Variants in TANK observed in about 807,000 individuals in gnomAD.
TANK encodes TRAF family member-associated NF-kappa-B activator.
TANK carries 15 observed loss-of-function variants against 43.6 expected under a neutral mutation model. That is an observed-to-expected ratio of 0.34 (90% CI 0.23 to 0.53). The LOEUF is 0.53. TANK is among the 20% of genes least tolerant of loss of function. TANK has a pLI of 0.94. For missense variants in TANK, 417 were observed against 498.6 expected, an observed-to-expected ratio of 0.84 and a Z score of 1.56; for synonymous variants, 162 against 178.2, an observed-to-expected ratio of 0.91 and a Z score of 0.73.
chr2:161,152,711 C>G (rs1684113142), intron 1 of TANK, among the ~76,000 whole-genome samples: 1 of 152,080 alleles, frequency 6.6e-6, no homozygotes, highest in Non-Finnish European at 1.5e-5. Flanking sequence ...GTGGGTGATT[C>G]TACATGCATT....
intron 2 of TANK, 85 bp from the exon 3 acceptor site, chr2:161,203,402 A>G (rs1159773386): frequency 6.8e-6 from 6 of 879,160 alleles, no homozygotes; most frequent in South Asian, 3.4e-5. Context: ...TGGGCAACTC[A>G]TATCTATTTA....
chr2:161,148,513 G>T (rs908007894), intron 1 of TANK, among the ~76,000 whole-genome samples: 7 of 152,068 alleles, frequency 4.6e-5, no homozygotes, highest in Non-Finnish European at 1.0e-4. Flanking sequence ...AATGTTTAAA[G>T]TTTTAAAAAA....
intron 1 of TANK, among the ~76,000 whole-genome samples, chr2:161,150,073 T>A (rs1245773601): frequency 6.6e-6 from 1 of 152,160 alleles, no homozygotes; most frequent in African/African-American, 2.4e-5. Context: ...TTTAAGTGCA[T>A]GGTAGAATTC....
Position 161,235,705 on chromosome 2 carries a change from G to C in TANK, c.*187G>C. ...TAAAAGATCATTCTGTTCTTTCAAG[G>C]AGAAATAAGCCTAAAAGAAGAAAAA... On this transcript the variant is annotated 3_prime_UTR_variant, in exon 8 of 8. Transcript: ENST00000392749. 6 of 462,266 alleles carry C rather than the reference G, an allele frequency of 1.3e-5. No individual in the cohort carries two copies. The highest frequency in any genetic ancestry group is 2.2e-5 in the Non-Finnish European group (6 of 275,950). The allele number at this position is 462,266 out of a possible 1,614,324, so 28.6% of individuals were successfully genotyped here. A position where few individuals can be genotyped will look rare whatever the true frequency, so the allele number is the denominator to read the frequency against.
At chr2:161,169,857 A>C (rs1254835499) in intron 1 of TANK, among the ~76,000 whole-genome samples, 1 of 152,210 alleles carries the variant, frequency 6.6e-6, no homozygotes, top group Non-Finnish European at 1.5e-5. Context: ...TTTGAAGTTC[A>C]GTTTCCTCCT....
chr2:161,156,151 G>T (rs370499801), upstream of TANK: 2 of 985,404 alleles, frequency 2.0e-6, no homozygotes, highest in African/African-American at 3.5e-5. Context: ...TCTTCAGGAA[G>T]AAGTTGGGGC....
At position 161,141,232 on chromosome 2, in the gene TANK, C is replaced by T. The variant is rs568317419; in HGVS notation, c.-50+4169C>T. 1.1e-3 allele frequency among the ~76,000 whole-genome samples: 167 copies of T among 152,258 alleles called. 1 individual carries two copies. Among genetic ancestry groups the T allele is most frequent in the South Asian group, 9.9e-3 (48 of 4,832 alleles). On this transcript the variant is annotated intron_variant, in intron 1 of 7. Transcript: ENST00000259075. ...CAGTTGTTCTGCATTTCTGACTCCC[C>T]TCAGCCCCTGGCAACCACAAATCCG...
chr2:161,224,628 T>A lies in TANK; in HGVS notation c.405-3T>A, dbSNP rs747071103. The A allele has an allele frequency of 1.2e-5, 17 of 1,393,286 alleles. No homozygotes were observed. The African/African-American group carries it at 1.9e-4, about 16-fold the overall frequency. 86.3% of individuals were successfully genotyped at this position (1,393,286 alleles called of 1,614,324 possible). The stretch of plus-strand genomic sequence containing the variant: ...ATTTTAAAATGTTGATTTTTTTTTT[T>A]AGGGGTAATATAGAGAAGACTTTCT... On this transcript the variant is annotated splice_region_variant and splice_polypyrimidine_tract_variant and intron_variant, in intron 5 of 7. Coordinates refer to ENST00000392749, the MANE Select transcript of TANK (RefSeq NM_001199135.3).
intron 1 of TANK, among the ~76,000 whole-genome samples, chr2:161,166,637 G>A (rs1002087724): frequency 6.6e-6 from 1 of 152,140 alleles, no homozygotes; most frequent in Non-Finnish European, 1.5e-5. Flanking sequence ...AGACCAAGAT[G>A]TAGTGGGGCA....
chr2:161,232,839 T>C (rs775303137), intron 7 of TANK: 1 of 1,550,378 alleles, frequency 6.5e-7, no homozygotes, highest in Non-Finnish European at 8.7e-7. Context: ...TGGAAAAGTA[T>C]TCAGCTTAAA....
At chr2:161,161,368 T>A in intron 1 of TANK, 1 of 1,550,720 alleles carries the variant, frequency 6.4e-7, no homozygotes, top group Non-Finnish European at 8.7e-7. Context: ...GAAAAGAAAA[T>A]GACCTGCCTT....
intron 4 of TANK, chr2:161,205,040 T>C (rs1468743427): frequency 2.7e-6 from 3 of 1,120,706 alleles, no homozygotes; most frequent in Non-Finnish European, 3.4e-6. Flanking sequence ...AACAAAGAAA[T>C]AGGGCTGGAC....
intron 2 of TANK, among the ~76,000 whole-genome samples, chr2:161,180,765 T>TA (rs2105297474): frequency 6.6e-6 from 1 of 152,278 alleles, no homozygotes; most frequent in East Asian, 1.9e-4. Context: ...ATAGCCAGAT[T>TA]ATTAATGGAA....
intron 6 of TANK, among the ~76,000 whole-genome samples, chr2:161,228,982 A>G (rs1167783581): frequency 6.6e-6 from 1 of 152,242 alleles, no homozygotes; most frequent in African/African-American, 2.4e-5. Flanking sequence ...TGTTTGCACA[A>G]TGACAAAATT....
chr2:161,196,194 T>A (rs1406811983), intron 2 of TANK, among the ~76,000 whole-genome samples: 1 of 152,180 alleles, frequency 6.6e-6, no homozygotes, highest in East Asian at 1.9e-4. Context: ...GAGCACCATA[T>A]ACTGAGAAAA....
At chr2:161,205,162 T>C (rs1342684509) in intron 4 of TANK, among the ~76,000 whole-genome samples, 1 of 151,844 alleles carries the variant, frequency 6.6e-6, no homozygotes, top group Non-Finnish European at 1.5e-5. Flanking sequence ...CCTATCTCTA[T>C]AAAAAATGAA....
intron 1 of TANK, among the ~76,000 whole-genome samples, chr2:161,152,163 T>C (rs753014915): frequency 2.0e-5 from 3 of 152,164 alleles, no homozygotes; most frequent in South Asian, 2.1e-4. Flanking sequence ...TTAAATCATA[T>C]AGGAAATAAA....
chr2:161,165,876 AGAG>A (rs1306620905), intron 1 of TANK, among the ~76,000 whole-genome samples: 4 of 152,234 alleles, frequency 2.6e-5, no homozygotes, highest in African/African-American at 9.6e-5. Flanking sequence ...CGTTCACCTC[AGAG>A]GAGTAGAACA....
chr2:161,142,166 T>C (rs879157057), intron 1 of TANK, among the ~76,000 whole-genome samples: 2 of 152,182 alleles, frequency 1.3e-5, no homozygotes, highest in East Asian at 3.8e-4. Flanking sequence ...GCCCACTCTT[T>C]GATGGGGTTG....
Sources: gnomAD v4.1 joint callset for allele counts (sites outside exome capture counted in the v4.1 genomes callset) on GRCh38, gnomAD v4.1.1 for gene constraint, MANE v1.5 for transcripts, NCBI Gene and HGNC (gene_info 2026-07-23, HGNC 2026-07-21) for gene names.